ZBTB16: variants seen among roughly 807,000 people sequenced by gnomAD.
The protein encoded by ZBTB16 is zinc finger and BTB domain containing 16.
In ZBTB16, 8 loss-of-function variants were observed where a neutral mutation model predicts 56.8. The observed-to-expected ratio is 0.14, with a 90% CI of 0.08 to 0.25. The LOEUF (loss-of-function observed/expected upper bound fraction) is 0.25, where lower values mean the gene tolerates loss of function less well. ZBTB16 is among the 10% of genes least tolerant of loss of function. The pLI is 1.00. For missense variants in ZBTB16, 625 were observed against 903.0 expected, an observed-to-expected ratio of 0.69 and a Z score of 3.95; for synonymous variants, 363 against 368.5, an observed-to-expected ratio of 0.98 and a Z score of 0.17.
intron 3 of ZBTB16, among the ~76,000 whole-genome samples, chr11:114,177,067 C>T (rs1427861468): frequency 1.3e-5 from 2 of 152,180 alleles, no homozygotes; most frequent in East Asian, 1.9e-4. Flanking sequence ...GAGCTGTCCT[C>T]CTGGAGCTCA....
In ZBTB16 at chr11:114,064,445, G is replaced by A; in HGVS notation, c.1145G>A (p.Arg382Lys). The A allele has an allele frequency of 6.2e-7, 1 of 1,614,176 alleles. No homozygotes were observed. Among genetic ancestry groups the A allele is most frequent in the Non-Finnish European group, 8.5e-7 (1 of 1,180,044 alleles). Residue 382 changes from arginine (R) to lysine (K), a missense_variant, in exon 2 of 7, where the codon AGG becomes AAG. Arg to Lys is a conservative substitution (Grantham distance 26, BLOSUM62 2). This residue lies in a region of ZBTB16 where 384 missense variants were observed against 393.5 expected (regional missense o/e 0.98). Transcript: ENST00000335953. The surrounding 1 kb of genome is among the most constrained non-coding windows in gnomAD (Gnocchi z 4.2). Reference sequence around the variant, plus strand: ...CTGCTGCCCCAGGGCTTCATCCAGAGGGAGCTGTTCAGCAAGCTGGGGGAG... The same window carrying A: ...CTGCTGCCCCAGGGCTTCATCCAGAAGGAGCTGTTCAGCAAGCTGGGGGAG... ...GGLLPQGFIQ[R>K]ELFSKLGELA...
intron 4 of ZBTB16, among the ~76,000 whole-genome samples, chr11:114,237,596 G>C (rs1248896291): frequency 6.6e-6 from 1 of 152,234 alleles, no homozygotes; most frequent in Non-Finnish European, 1.5e-5. Context: ...CAATTTTCTA[G>C]ATAATTTTAT....
At chr11:114,099,168 A>G (rs1431999138) in intron 2 of ZBTB16, among the ~76,000 whole-genome samples, 1 of 152,196 alleles carries the variant, frequency 6.6e-6, no homozygotes, top group Non-Finnish European at 1.5e-5. Flanking sequence ...AGAAGCTTGT[A>G]TCCTCCTAAA....
chr11:114,095,873 C>T (rs1384970580), intron 2 of ZBTB16, among the ~76,000 whole-genome samples: 1 of 152,160 alleles, frequency 6.6e-6, no homozygotes, highest in East Asian at 1.9e-4. Flanking sequence ...GATTTGAAAT[C>T]TATTTAACTT....
At chr11:114,147,589 T>C (rs1156842535) in intron 2 of ZBTB16, among the ~76,000 whole-genome samples, 3 of 152,208 alleles carry the variant, frequency 2.0e-5, no homozygotes, top group East Asian at 3.8e-4. Context: ...GTGCCCTGTT[T>C]TGGGTTTGGA....
Position 114,064,334 on chromosome 11 carries a change from T to A in ZBTB16, c.1034T>A (p.Val345Glu). The A allele has an allele frequency of 6.2e-7, 1 of 1,614,102 alleles. No individual in the cohort carries two copies. Among genetic ancestry groups the A allele is most frequent in the Non-Finnish European group, 8.5e-7 (1 of 1,180,032 alleles). ...TTGCCCAACCACAAGGCTGACGCTG[T>A]ATTGAGCATGCCGTCTTCCGTGACC... is the stretch of plus-strand genomic sequence containing the variant. The part of the protein sequence containing the change: ...SVLPNHKADA[V>E]LSMPSSVTSG... The change falls in exon 2 of 7, where the codon GTA becomes GAA. Residue 345 changes from valine (V) to glutamate (E), a missense_variant. Val to Glu is a moderately radical substitution (Grantham distance 121). Transcript: ENST00000335953. The surrounding 1 kb of genome is among the most constrained non-coding windows in gnomAD (Gnocchi z 4.2).
At chr11:114,095,680 AG>A (rs1279360234) in intron 2 of ZBTB16, among the ~76,000 whole-genome samples, 7 of 152,198 alleles carry the variant, frequency 4.6e-5, no homozygotes, top group Admixed American at 4.6e-4. Context: ...TTAGTCACCA[AG>A]GCAGGGTCTT....
Position 114,242,183 on chromosome 11 carries a change from C to T in ZBTB16, c.1470C>T (p.Val490=). The T allele has an allele frequency of 1.2e-6, 2 of 1,613,766 alleles. No homozygotes were observed. Among genetic ancestry groups the T allele is most frequent in the Non-Finnish European group, 1.7e-6 (2 of 1,179,896 alleles). ...CTCCCACAGGCACTGACATGGCCGTCTTCTGTCTGCTGTGTGGGAAGCGCT... is the reference window on the plus strand; with the variant it reads ...CTCCCACAGGCACTGACATGGCCGTTTTCTGTCTGCTGTGTGGGAAGCGCT... ...RQTHTGTDMA[V]FCLLCGKRFQ... is the part of the protein sequence containing the mutation. Residue 490 remains valine (V), a synonymous_variant, in exon 5 of 7, where the codon GTC becomes GTT. Transcript: ENST00000335953.
At chr11:114,111,038 G>A (rs748029783) in intron 2 of ZBTB16, among the ~76,000 whole-genome samples, 3 of 152,056 alleles carry the variant, frequency 2.0e-5, no homozygotes, top group Admixed American at 6.6e-5. Flanking sequence ...TTAATTAATC[G>A]TGAGAACATT....
intron 2 of ZBTB16, among the ~76,000 whole-genome samples, chr11:114,138,809 G>A (rs768025048): frequency 1.3e-5 from 2 of 152,048 alleles, no homozygotes; most frequent in Non-Finnish European, 2.9e-5. Flanking sequence ...TCCTGCCTCA[G>A]CCTCCTGAGT....
At chr11:114,217,551 C>T (rs1375358704) in intron 4 of ZBTB16, among the ~76,000 whole-genome samples, 5 of 152,006 alleles carry the variant, frequency 3.3e-5, no homozygotes, top group Non-Finnish European at 7.4e-5. Context: ...GTTTGAGAGG[C>T]GAAGATGTGG....
At chr11:114,200,127 C>CA (rs796851438) in intron 4 of ZBTB16, among the ~76,000 whole-genome samples, 7,358 of 104,878 alleles carry the variant, frequency 0.07, 665 homozygotes, top group African/African-American at 0.24. Context: ...GACTCCGTCT[C>CA]AAAAAAAAAA....
At chr11:114,156,272 A>G in intron 2 of ZBTB16, 65 bp from the exon 3 acceptor site, 3 of 1,535,744 alleles carry the variant, frequency 2.0e-6, no homozygotes, top group Non-Finnish European at 2.7e-6. Context: ...GCCCCCAGGT[A>G]GGGGATGGCC....
chr11:114,158,636 AC>A (rs1461498158), intron 3 of ZBTB16, among the ~76,000 whole-genome samples: 1 of 152,192 alleles, frequency 6.6e-6, no homozygotes, highest in East Asian at 1.9e-4. Context: ...GAATTTGGAC[AC>A]GTACCTACTG....
chr11:114,249,478 A>AGAGCTTTAGCAGGATAGGTGTCCCC, intron 6 of ZBTB16, among the ~76,000 whole-genome samples: 1 of 147,518 alleles, frequency 6.8e-6, no homozygotes, highest in African/African-American at 2.5e-5. Flanking sequence ...AAAAAAAAAA[A>AGAGCTTTAGCAGGATAGGTGTCCCC]AAAAAGGCCG....
intron 2 of ZBTB16, among the ~76,000 whole-genome samples, chr11:114,094,856 T>C (rs1443745345): frequency 6.6e-6 from 1 of 152,212 alleles, no homozygotes. Flanking sequence ...AGCTATCAGT[T>C]CCAAGTTTCC....
At chr11:114,174,306 A>G (rs1591750229) in intron 3 of ZBTB16, among the ~76,000 whole-genome samples, 1 of 140,076 alleles carries the variant, frequency 7.1e-6, no homozygotes. Flanking sequence ...TGCCATTCTG[A>G]CTGAGGTTTT....
At chr11:114,243,755 T>G (rs1213588249) in intron 5 of ZBTB16, among the ~76,000 whole-genome samples, 6 of 152,206 alleles carry the variant, frequency 3.9e-5, no homozygotes, top group African/African-American at 1.2e-4. Context: ...CTAGATACCT[T>G]TCAGCCACTT....
At chr11:114,213,526 G>T (rs1944037004) in intron 4 of ZBTB16, among the ~76,000 whole-genome samples, 1 of 152,156 alleles carries the variant, frequency 6.6e-6, no homozygotes, top group Admixed American at 6.5e-5. Context: ...CTTGCTCATG[G>T]GAGGAGACCC....
Sources: allele counts gnomAD v4.1 joint callset (sites outside exome capture counted in the v4.1 genomes callset), GRCh38; gene constraint gnomAD v4.1.1; regional missense constraint gnomAD v4.1.1; non-coding constraint Gnocchi (gnomAD v3.1); transcripts MANE v1.5; gene names NCBI Gene and HGNC (gene_info 2026-07-23, HGNC 2026-07-21).